Variants in CDK10 observed in about 807,000 individuals in gnomAD.
The protein encoded by CDK10 is cyclin-dependent kinase 10.
In CDK10, 55 loss-of-function variants were observed where a neutral mutation model predicts 51.0. The observed-to-expected ratio is 1.08, with a 90% confidence interval of 0.87 to 1.35. The LOEUF (loss-of-function observed/expected upper bound fraction) is 1.35, where lower values mean the gene tolerates loss of function less well. Among genes scored for constraint, CDK10 ranks in the 40% most tolerant of loss-of-function variants. The pLI is 0.00. For synonymous variants in CDK10, 255 were observed against 199.1 expected (o/e 1.28, Z -2.36); for missense variants, 589 against 485.1 (o/e 1.21, Z -2.01).
Position 89,686,794 on chromosome 16 carries a change from C to G in CDK10, c.84C>G (p.His28Gln). 1 of 1,610,398 alleles carries G rather than the reference C, an allele frequency of 6.2e-7. No homozygotes were observed. Among genetic ancestry groups the G allele is most frequent in the African/African-American group, 1.3e-5 (1 of 74,940 alleles). The change falls in exon 1 of 13, where the codon CAC (histidine) becomes CAG (glutamine). Residue 28 changes from histidine to glutamine, a missense_variant. Coordinates refer to ENST00000353379, the MANE Select transcript of CDK10 (RefSeq NM_052988.5). The part of the protein sequence containing the change: ...KEGFFTVPPE[H>Q]RLGRCRSVKE... Reference sequence around the variant, plus strand: ...GCTTCTTCACGGTGCCTCCGGAACACAGGGTGCGCGGGGTGCCACCCGGGC... The same window carrying G: ...GCTTCTTCACGGTGCCTCCGGAACAGAGGGTGCGCGGGGTGCCACCCGGGC...
At chr16:89,690,696 C>T (rs1024338906) in intron 3 of CDK10, 72 bp downstream of exon 3, 9 of 1,332,976 alleles carry the variant, frequency 6.8e-6, no homozygotes, top group Middle Eastern at 1.8e-4. Context: ...CCTGAAGTTT[C>T]CTCAGAGCGA....
chr16:89,686,832 C>T lies in CDK10; in HGVS notation c.87+35C>T, dbSNP rs766891743. On this transcript the variant is annotated intron_variant, in intron 1 of 12. Transcript: ENST00000353379. ...GTGCCACCCGGGCAGCTCTGCCCGC[C>T]TCGCTAGCGGCACTGCCCGGCTGGG... The T allele has an allele frequency of 7.0e-6, 11 of 1,563,946 alleles. No homozygotes were observed. In the East Asian group the frequency reaches 2.1e-4, roughly 30 times the overall value.
At chr16:89,690,856 C>A (rs904036970) in intron 3 of CDK10, among the ~76,000 whole-genome samples, 2 of 152,156 alleles carry the variant, frequency 1.3e-5, no homozygotes, top group South Asian at 2.1e-4. Context: ...GGTGAGGCCA[C>A]CTCACTGCAG....
At chr16:89,686,984 T>A (rs898675477) in intron 1 of CDK10, 187 bp downstream of exon 1, 65 of 523,372 alleles carry the variant, frequency 1.2e-4, no homozygotes, top group East Asian at 9.3e-4. Flanking sequence ...CGACAGCCGG[T>A]CCCTGGAGAT....
rs560092804 is a variant in CDK10 at position 89,694,458 on chromosome 16, G to A, written c.669-207G>A. ...GAGCACAGAGGTCTGGAGGAGGCACGCCTGCCCCTGCACTTGTCACCCCGG... is the reference window on the plus strand; with the variant it reads ...GAGCACAGAGGTCTGGAGGAGGCACACCTGCCCCTGCACTTGTCACCCCGG... On this transcript the variant is annotated intron_variant, in intron 9 of 12. Transcript: ENST00000353379. 208 of 922,054 alleles carry A rather than the reference G, an allele frequency of 2.3e-4. 1 individual carries two copies. The South Asian group carries it at 2.3e-3, about 10-fold the overall frequency. The allele number at this position is 922,054 out of a possible 1,614,324, so 57.1% of individuals were successfully genotyped here.
intron 1 of CDK10, chr16:89,687,291 A>C: frequency 2.8e-6 from 1 of 354,468 alleles, no homozygotes; most frequent in Non-Finnish European, 5.7e-6. Flanking sequence ...CTCCCTCTGC[A>C]GAGACCAGGA....
At chr16:89,694,420 G>A in intron 9 of CDK10, 188 bp downstream of exon 9, 1 of 850,418 alleles carries the variant, frequency 1.2e-6, no homozygotes, top group Non-Finnish European at 1.9e-6. Context: ...TTAGCTTGCT[G>A]TTCTCAGGCT....
At chr16:89,694,849 CCCCGCCCGTG>C (rs1567525138) in intron 10 of CDK10, 61 bp downstream of exon 10, 6 of 1,520,804 alleles carry the variant, frequency 3.9e-6, no homozygotes, top group Non-Finnish European at 4.4e-6. Context: ...CGCCCGCAGC[CCCCGCCCGTG>C]CCCACGCCCT....
At chr16:89,689,172 G>T in intron 1 of CDK10, 80 bp from the exon 2 acceptor site, 2 of 1,344,026 alleles carry the variant, frequency 1.5e-6, no homozygotes, top group East Asian at 4.6e-5. Context: ...TGGGCTCCCT[G>T]GTACAAATTC....
chr16:89,694,072 G>A, intron 8 of CDK10, 101 bp from the exon 9 acceptor site: 1 of 1,237,824 alleles, frequency 8.1e-7, no homozygotes, highest in Non-Finnish European at 1.2e-6. Context: ...GTTGGGACAG[G>A]TTTCCAGGCC....
chr16:89,696,224 C>T lies in CDK10; in HGVS notation c.*532C>T. On this transcript the variant is annotated 3_prime_UTR_variant, in exon 13 of 13. Transcript: ENST00000353379. ...AGCCACAATTGAGGATACCCCGAGA[C>T]TACCAGGAGAGCCCTGGGCTGGAGG... The T allele has an allele frequency of 3.8e-6, 1 of 265,554 alleles. No homozygotes were observed. 16.4% of individuals were successfully genotyped at this position (265,554 alleles called of 1,614,324 possible).
rs1217192305 is a variant in CDK10 at position 89,686,785 on chromosome 16, T to C, written c.75T>C (p.Pro25=). The C allele has an allele frequency of 1.2e-6, 2 of 1,611,592 alleles. No individual in the cohort carries two copies. The highest frequency in any genetic ancestry group is 1.7e-4 in the Middle Eastern group (1 of 6,056). The change falls in exon 1 of 13, where the codon CCT becomes CCC. Residue 25 remains proline (P), a synonymous_variant. Transcript: ENST00000353379. ...CIRKEGFFTV[P]PEHRLGRCRS... ...GTAAGGAGGGCTTCTTCACGGTGCC[T>C]CCGGAACACAGGGTGCGCGGGGTGC...
chr16:89,694,006 A>T, intron 8 of CDK10, 167 bp from the exon 9 acceptor site: 1 of 677,184 alleles, frequency 1.5e-6, no homozygotes, highest in Non-Finnish European at 2.6e-6. Flanking sequence ...GCCCCCGGCA[A>T]CCATTGCTGT....
In CDK10 at chr16:89,694,188, ACTG is replaced by A. The variant is rs943211778; in HGVS notation, c.628_630del (p.Leu211del). On this transcript the variant is annotated inframe_deletion, in exon 9 of 13. Coordinates refer to ENST00000353379, the MANE Select transcript of CDK10 (RefSeq NM_052988.5). ...CTGTGTGTAGGTACCGAGCCCCTGA[ACTG>A]CTGTTGGGAACCACCACGCAGACCA... 3.1e-6 allele frequency: 5 copies of A among 1,613,940 alleles called. No homozygotes were observed. Among genetic ancestry groups the A allele is most frequent in the Admixed American group, 1.7e-5 (1 of 60,004 alleles).
In CDK10 at chr16:89,686,990, G is replaced by A. The variant is rs570245338; in HGVS notation, c.87+193G>A. 26 of 514,916 alleles carry A rather than the reference G, an allele frequency of 5.0e-5. No individual in the cohort carries two copies. In the South Asian group the frequency reaches 7.1e-4, roughly 14 times the overall value. The allele number at this position is 514,916 out of a possible 1,614,324, so 31.9% of individuals were successfully genotyped here. ...CAGGACCCCCGACAGCCGGTCCCTG[G>A]AGATCTGAGGGGCCGGGGCGGGCTC... On this transcript the variant is annotated intron_variant, in intron 1 of 12. Coordinates refer to ENST00000353379, the MANE Select transcript of CDK10 (RefSeq NM_052988.5).
intron 3 of CDK10, among the ~76,000 whole-genome samples, chr16:89,691,061 G>A (rs1379270644): frequency 1.3e-5 from 2 of 152,190 alleles, no homozygotes; most frequent in Non-Finnish European, 2.9e-5. Flanking sequence ...CGAGGCAGGC[G>A]GATCACCTGA....
Position 89,686,780 on chromosome 16 carries a change from G to C in CDK10, c.70G>C (p.Val24Leu). 1 of 1,612,100 alleles carries C rather than the reference G, an allele frequency of 6.2e-7. No homozygotes were observed. The highest frequency in any genetic ancestry group is 1.1e-5 in the South Asian group (1 of 90,892). Reference sequence around the variant, plus strand: ...TATTCGTAAGGAGGGCTTCTTCACGGTGCCTCCGGAACACAGGGTGCGCGG... The same window carrying C: ...TATTCGTAAGGAGGGCTTCTTCACGCTGCCTCCGGAACACAGGGTGCGCGG... ...KCIRKEGFFT[V>L]PPEHRLGRCR... Residue 24 changes from valine (V) to leucine (L), a missense_variant, in exon 1 of 13, where the codon GTG becomes CTG. Coordinates refer to ENST00000353379, the MANE Select transcript of CDK10 (RefSeq NM_052988.5).
chr16:89,695,442 G>T, intron 12 of CDK10, 97 bp downstream of exon 12: 1 of 1,490,056 alleles, frequency 6.7e-7, no homozygotes, highest in Non-Finnish European at 9.3e-7. Context: ...TGCCCTCACT[G>T]ACGGCACACC....
At chr16:89,693,148 A>G in intron 6 of CDK10, 126 bp from the exon 7 acceptor site, 3 of 790,208 alleles carry the variant, frequency 3.8e-6, no homozygotes, top group East Asian at 2.6e-5. Context: ...AAAAAAAAAA[A>G]AAAAAGATAC....
Sources: gnomAD v4.1 joint callset for allele counts (sites outside exome capture counted in the v4.1 genomes callset) on GRCh38, gnomAD v4.1.1 for gene constraint, MANE v1.5 for transcripts, NCBI Gene and HGNC (gene_info 2026-07-23, HGNC 2026-07-21) for gene names.